APBB1IP: variants seen among roughly 807,000 people sequenced by gnomAD.
The protein encoded by APBB1IP is amyloid beta A4 precursor protein-binding family B member 1-interacting protein.
In APBB1IP, 27 loss-of-function variants were observed where a neutral mutation model predicts 64.9. That is an observed-to-expected ratio of 0.42 (90% confidence interval 0.31 to 0.57). APBB1IP has a LOEUF of 0.57. APBB1IP is among the 20% of genes least tolerant of loss of function. The pLI is 0.20. For missense variants in APBB1IP, 812 were observed against 845.5 expected (o/e 0.96, Z 0.49); for synonymous variants, 392 against 331.0 (o/e 1.18, Z -2.00).
At chr10:26,551,051 C>T (rs1487080114) in intron 11 of APBB1IP, among the ~76,000 whole-genome samples, 2 of 152,200 alleles carry the variant, frequency 1.3e-5, no homozygotes, top group African/African-American at 2.4e-5. Context: ...GTGGGAAAGC[C>T]GGTCAGGCTC....
intron 7 of APBB1IP, 91 bp downstream of exon 7, chr10:26,511,997 AT>A: frequency 7.2e-7 from 1 of 1,384,546 alleles, no homozygotes; most frequent in Non-Finnish European, 9.8e-7. Context: ...TTTCTCTTTA[AT>A]TTTATATAAA....
At chr10:26,469,816 C>A (rs1835695146) in intron 2 of APBB1IP, among the ~76,000 whole-genome samples, 1 of 152,192 alleles carries the variant, frequency 6.6e-6, no homozygotes, top group Admixed American at 6.5e-5. Context: ...ATCTCTATAT[C>A]CATGAGTACG....
At chr10:26,459,299 A>G (rs1427919435) in intron 2 of APBB1IP, among the ~76,000 whole-genome samples, 1 of 151,884 alleles carries the variant, frequency 6.6e-6, no homozygotes, top group Non-Finnish European at 1.5e-5. Context: ...ATAGTATTCC[A>G]TGGTGTATAT....
At chr10:26,481,263 G>A (rs545608358) in intron 2 of APBB1IP, among the ~76,000 whole-genome samples, 2 of 152,030 alleles carry the variant, frequency 1.3e-5, no homozygotes, top group East Asian at 3.9e-4. Context: ...TGAGTCCTGG[G>A]GAACATTTTT....
intron 2 of APBB1IP, among the ~76,000 whole-genome samples, chr10:26,472,337 G>C (rs78703287): frequency 6.6e-6 from 1 of 152,142 alleles, no homozygotes; most frequent in African/African-American, 2.4e-5. Flanking sequence ...AGTGGCTTTG[G>C]AATAATGCCC....
At chr10:26,557,582 G>A (rs1836909602) in intron 11 of APBB1IP, among the ~76,000 whole-genome samples, 1 of 152,210 alleles carries the variant, frequency 6.6e-6, no homozygotes, top group Admixed American at 6.5e-5. Flanking sequence ...TACAAACACA[G>A]AAATTCTAGG....
At chr10:26,489,266 C>T (rs1029326771) in intron 2 of APBB1IP, among the ~76,000 whole-genome samples, 2 of 152,078 alleles carry the variant, frequency 1.3e-5, no homozygotes, top group African/African-American at 4.8e-5. Flanking sequence ...ACTAGAAGGA[C>T]GGCAAAAGAA....
intron 2 of APBB1IP, among the ~76,000 whole-genome samples, chr10:26,458,300 G>A (rs1835550805): frequency 6.6e-6 from 1 of 152,016 alleles, no homozygotes; most frequent in South Asian, 2.1e-4. Flanking sequence ...AGGTGGGAAA[G>A]TCGCTTGAAC....
At position 26,536,219 on chromosome 10, in the gene APBB1IP, T is replaced by TAA; in HGVS notation, c.1044+2_1044+3insAA. On this transcript the variant is annotated splice_region_variant and intron_variant, in intron 10 of 14. Coordinates refer to ENST00000376236, the MANE Select transcript of APBB1IP (RefSeq NM_019043.4). ...TATGTACCCAAAGGAAAGACTAAGG[T>TAA]CAGAAAAAAAAAAAAAAAAGCACTT... 7.2e-7 allele frequency: 1 copy of TAA among 1,398,482 alleles called. No individual in the cohort carries two copies. The highest frequency in any genetic ancestry group is 1.5e-5 in the South Asian group (1 of 64,988). The allele number at this position is 1,398,482 out of a possible 1,614,324, so 86.6% of individuals were successfully genotyped here.
rs374603115 is a variant in APBB1IP, at chr10:26,519,230, G to A, written c.813+5570G>A. Among the ~76,000 whole-genome samples the A allele has an allele frequency of 3.9e-5, 6 of 152,196 alleles. No homozygotes were observed. The East Asian group carries it at 1.2e-3, about 29-fold the overall frequency. On this transcript the variant is annotated intron_variant, in intron 8 of 14. Transcript: ENST00000376236. Reference sequence around the variant, plus strand: ...CACTTGAACCCAGGAGACAGAGGTTGTAGTGAGCCAAGATCGTGCCACTGC... The same window carrying A: ...CACTTGAACCCAGGAGACAGAGGTTATAGTGAGCCAAGATCGTGCCACTGC...
chr10:26,536,524 T>G (rs1836625378), intron 10 of APBB1IP, among the ~76,000 whole-genome samples: 1 of 152,102 alleles, frequency 6.6e-6, no homozygotes, highest in Admixed American at 6.6e-5. Context: ...GTTGTTCTAT[T>G]GTCATTATAG....
chr10:26,510,205 T>C (rs1836235369), intron 6 of APBB1IP, among the ~76,000 whole-genome samples: 1 of 152,154 alleles, frequency 6.6e-6, no homozygotes, highest in Non-Finnish European at 1.5e-5. Context: ...CCTGACCTCA[T>C]GATCTGTCCA....
Position 26,541,568 on chromosome 10 carries a change from T to C in APBB1IP, c.1045-14T>C, listed in dbSNP as rs1307789340. 1.9e-6 allele frequency: 3 copies of C among 1,577,604 alleles called. No homozygotes were observed. The highest frequency in any genetic ancestry group is 2.6e-6 in the Non-Finnish European group (3 of 1,150,266). On this transcript the variant is annotated splice_polypyrimidine_tract_variant and intron_variant, in intron 10 of 14. Coordinates refer to ENST00000376236, the MANE Select transcript of APBB1IP (RefSeq NM_019043.4). Reference sequence around the variant, plus strand: ...CATCTCAGTTGAAGTTTTATTTTTTTCCCTGTCTTTCAGACATCTCGAGAT... The same window carrying C: ...CATCTCAGTTGAAGTTTTATTTTTTCCCCTGTCTTTCAGACATCTCGAGAT...
chr10:26,527,679 C>T (rs2132458486), intron 8 of APBB1IP, among the ~76,000 whole-genome samples: 1 of 147,466 alleles, frequency 6.8e-6, no homozygotes, highest in South Asian at 2.1e-4. Context: ...TTAGGTAGGT[C>T]CATGTCTTTT....
intron 2 of APBB1IP, among the ~76,000 whole-genome samples, chr10:26,485,472 C>T (rs953067633): frequency 6.6e-6 from 1 of 152,208 alleles, no homozygotes; most frequent in Non-Finnish European, 1.5e-5. Context: ...CGACGCATTT[C>T]TGAACACAAA....
intron 2 of APBB1IP, among the ~76,000 whole-genome samples, chr10:26,444,308 A>G (rs551065711): frequency 1.3e-5 from 2 of 152,200 alleles, no homozygotes; most frequent in Non-Finnish European, 2.9e-5. Context: ...TCCAGAGGCC[A>G]TTATAAAACT....
At chr10:26,484,314 G>A (rs996279419) in intron 2 of APBB1IP, among the ~76,000 whole-genome samples, 1 of 151,968 alleles carries the variant, frequency 6.6e-6, no homozygotes, top group African/African-American at 2.4e-5. Context: ...GTTTTGTTTT[G>A]TTTTGTTTTG....
At chr10:26,488,865 G>A (rs1364723694) in intron 2 of APBB1IP, among the ~76,000 whole-genome samples, 1 of 152,102 alleles carries the variant, frequency 6.6e-6, no homozygotes, top group Non-Finnish European at 1.5e-5. Context: ...GCTTTGTGTG[G>A]TCTGACCCTT....
intron 2 of APBB1IP, among the ~76,000 whole-genome samples, chr10:26,481,041 C>T (rs1835828956): frequency 6.6e-6 from 1 of 151,996 alleles, no homozygotes; most frequent in African/African-American, 2.4e-5. Context: ...AAAGCAGTTC[C>T]CCATTCCTTA....
Sources: allele counts gnomAD v4.1 joint callset (sites outside exome capture counted in the v4.1 genomes callset), GRCh38; gene constraint gnomAD v4.1.1; transcripts MANE v1.5; gene names NCBI Gene and HGNC (gene_info 2026-07-23, HGNC 2026-07-21).